TNIK: variants seen among roughly 807,000 people sequenced by gnomAD.
The protein encoded by TNIK is TRAF2 and NCK interacting kinase.
TNIK carries 49 observed loss-of-function variants against 191.3 expected under a neutral mutation model. That is an observed-to-expected ratio of 0.26 (90% CI 0.20 to 0.32). The LOEUF (loss-of-function observed/expected upper bound fraction) is 0.32, where lower values mean the gene tolerates loss of function less well. Ranked by LOEUF, TNIK falls within the 10% of genes least tolerant of loss-of-function variation. TNIK has a pLI of 1.00. For synonymous variants in TNIK, 594 were observed against 600.9 expected (o/e 0.99, Z 0.17); for missense variants, 1,155 against 1,702.3 (o/e 0.68, Z 5.66).
intron 1 of TNIK, among the ~76,000 whole-genome samples, chr3:171,419,558 C>T (rs1723499505): frequency 6.6e-6 from 1 of 152,102 alleles, no homozygotes; most frequent in Admixed American, 6.5e-5. Flanking sequence ...AGATGATTGC[C>T]TAAGGATGAA....
At chr3:171,271,635 T>C (rs1157141153) in intron 2 of TNIK, among the ~76,000 whole-genome samples, 1 of 152,234 alleles carries the variant, frequency 6.6e-6, no homozygotes, top group African/African-American at 2.4e-5. Flanking sequence ...AAAGCTATTT[T>C]ATTAAAATAT....
intron 8 of TNIK, among the ~76,000 whole-genome samples, chr3:171,176,963 A>G (rs1736035009): frequency 6.6e-6 from 1 of 152,230 alleles, no homozygotes; most frequent in African/African-American, 2.4e-5. Context: ...TGCACTGAAA[A>G]TTAATTTTGG....
At position 171,131,074 on chromosome 3, in the gene TNIK, T is replaced by A. The variant is rs560769111; in HGVS notation, c.1609-2196A>T. Among the ~76,000 whole-genome samples, 3 of 152,166 alleles carry A rather than the reference T, an allele frequency of 2.0e-5. No individual in the cohort carries two copies. In the East Asian group the frequency reaches 5.8e-4, roughly 29 times the overall value. On this transcript the variant is annotated intron_variant, in intron 15 of 32. Coordinates refer to ENST00000436636, the MANE Select transcript of TNIK (RefSeq NM_015028.4). ...CAGGCCACAGGGGGCCCTAAAGCTATCATTAGAAATTAACAGGGCATTGGG... is the reference window on the plus strand; with the variant it reads ...CAGGCCACAGGGGGCCCTAAAGCTAACATTAGAAATTAACAGGGCATTGGG...
At chr3:171,172,356 G>T (rs1304218654) in intron 9 of TNIK, among the ~76,000 whole-genome samples, 1 of 152,142 alleles carries the variant, frequency 6.6e-6, no homozygotes, top group Non-Finnish European at 1.5e-5. Context: ...GGAAATAAAA[G>T]AATGTTTTGG....
At chr3:171,227,849 T>C (rs2108986993) in intron 3 of TNIK, among the ~76,000 whole-genome samples, 1 of 152,350 alleles carries the variant, frequency 6.6e-6, no homozygotes, top group African/African-American at 2.4e-5. Context: ...GTAGAAATCA[T>C]ACTGCAAGTA....
At chr3:171,220,901 G>T (rs907232869) in intron 3 of TNIK, among the ~76,000 whole-genome samples, 1 of 152,092 alleles carries the variant, frequency 6.6e-6, no homozygotes, top group Non-Finnish European at 1.5e-5. Context: ...TCTAACATGT[G>T]AGCATACACA....
intron 2 of TNIK, among the ~76,000 whole-genome samples, chr3:171,317,465 C>A (rs888104984): frequency 1.3e-5 from 2 of 152,012 alleles, no homozygotes; most frequent in South Asian, 2.1e-4. Flanking sequence ...TTGGTGCCAC[C>A]AAAAGTCTTC....
At chr3:171,210,390 C>T (rs970985796) in intron 4 of TNIK, among the ~76,000 whole-genome samples, 7 of 152,158 alleles carry the variant, frequency 4.6e-5, no homozygotes, top group Admixed American at 6.5e-5. Flanking sequence ...AGGAAGGCTC[C>T]GCACAGCAGC....
intron 1 of TNIK, among the ~76,000 whole-genome samples, chr3:171,412,585 T>TA (rs1238587469): frequency 6.6e-6 from 1 of 152,122 alleles, no homozygotes; most frequent in Non-Finnish European, 1.5e-5. Flanking sequence ...GAGACACAAA[T>TA]AACTTTAATA....
intron 32 of TNIK, 149 bp downstream of exon 32, chr3:171,066,038 G>T: frequency 9.3e-7 from 1 of 1,072,670 alleles, no homozygotes; most frequent in Non-Finnish European, 1.3e-6. Context: ...GTGCTCACAT[G>T]GATCAAACCA....
rs1403622684 is a variant in TNIK at position 171,159,985 on chromosome 3, G to T, written c.1016+1285C>A. Among the ~76,000 whole-genome samples, 1 of 152,208 alleles carries T rather than the reference G, an allele frequency of 6.6e-6. No individual in the cohort carries two copies. Among genetic ancestry groups the T allele is most frequent in the Admixed American group, 6.5e-5 (1 of 15,282 alleles). Reference sequence around the variant, plus strand: ...AGTGTTAGAAAGACAGGGTTTCTCAGTTCTACAGAAAGTGGTCAGAAGGCT... The same window carrying T: ...AGTGTTAGAAAGACAGGGTTTCTCATTTCTACAGAAAGTGGTCAGAAGGCT... On this transcript the variant is annotated intron_variant, in intron 11 of 32. Coordinates refer to ENST00000436636, the MANE Select transcript of TNIK (RefSeq NM_015028.4). This position sits in a 1 kb window ranked among gnomAD's most constrained non-coding sequence, Gnocchi z 4.1.
intron 1 of TNIK, among the ~76,000 whole-genome samples, chr3:171,454,756 C>T (rs1183536326): frequency 1.3e-5 from 2 of 152,122 alleles, no homozygotes; most frequent in African/African-American, 4.8e-5. Flanking sequence ...TCATTTTAGA[C>T]CAAATTTAAT....
chr3:171,210,100 T>C (rs926718339), intron 4 of TNIK, among the ~76,000 whole-genome samples: 1 of 152,120 alleles, frequency 6.6e-6, no homozygotes, highest in African/African-American at 2.4e-5. Context: ...GTTAAAAAGG[T>C]ATTTTTAGAA....
intron 2 of TNIK, among the ~76,000 whole-genome samples, chr3:171,237,978 A>T (rs1744503854): frequency 6.6e-6 from 1 of 152,214 alleles, no homozygotes; most frequent in African/African-American, 2.4e-5. Flanking sequence ...TAACAGTCCC[A>T]TTACAAAAGG....
At chr3:171,276,476 A>T (rs978865801) in intron 2 of TNIK, among the ~76,000 whole-genome samples, 1 of 152,208 alleles carries the variant, frequency 6.6e-6, no homozygotes, top group African/African-American at 2.4e-5. Flanking sequence ...GGTCAAAAGC[A>T]TAAGGGAAAA....
At chr3:171,255,209 C>G (rs866024957) in intron 2 of TNIK, among the ~76,000 whole-genome samples, 4 of 152,202 alleles carry the variant, frequency 2.6e-5, no homozygotes, top group Middle Eastern at 6.8e-3. Context: ...AACATCTGGC[C>G]AACAAAACCT....
intron 2 of TNIK, among the ~76,000 whole-genome samples, chr3:171,277,629 C>T (rs1749915608): frequency 6.6e-6 from 1 of 152,082 alleles, no homozygotes; most frequent in South Asian, 2.1e-4. Context: ...GCAAACTAAA[C>T]CCTGCTCAGT....
In TNIK at chr3:171,190,772, G is replaced by T; in HGVS notation, c.433C>A (p.His145Asn). The change falls in exon 6 of 33, where the codon CAC becomes AAC. Residue 145 changes from histidine to asparagine, a missense_variant. By Grantham distance (68) the His-to-Asn change is moderately conservative. Transcript: ENST00000436636. ...TCTCGATGAATCACTTTATGCTGGT[G>T]CAGGTGACTCAGCCCCTGGAGTGAT... ...REILRGLSHL[H>N]QHKVIHRDIK... 1 of 1,593,326 alleles carries T rather than the reference G, an allele frequency of 6.3e-7. No homozygotes were observed.
chr3:171,110,844 C>T lies in TNIK; in HGVS notation c.2154G>A (p.Leu718=). Residue 718 remains leucine, a synonymous_variant, in exon 19 of 33, where the codon TTG becomes TTA. Transcript: ENST00000436636. ...TGCTGGTCCTCTGCAAGGGGCTCTCCAAGATGGGCTCAGTTCTCCGGAGAT... is the reference window on the plus strand; with the variant it reads ...TGCTGGTCCTCTGCAAGGGGCTCTCTAAGATGGGCTCAGTTCTCCGGAGAT... ...NPDLRRTEPI[L]ESPLQRTSSG... The T allele has an allele frequency of 6.2e-7, 1 of 1,605,040 alleles. No individual in the cohort carries two copies. Among genetic ancestry groups the T allele is most frequent in the Non-Finnish European group, 8.5e-7 (1 of 1,176,456 alleles).
Sources: allele counts gnomAD v4.1 joint callset (sites outside exome capture counted in the v4.1 genomes callset), GRCh38; gene constraint gnomAD v4.1.1; non-coding constraint Gnocchi (gnomAD v3.1); transcripts MANE v1.5; gene names NCBI Gene and HGNC (gene_info 2026-07-23, HGNC 2026-07-21).